MARCHF5: variants seen among roughly 807,000 people sequenced by gnomAD.
MARCHF5 encodes the protein membrane associated ring-CH-type finger 5.
Under a neutral mutation model 36.5 loss-of-function variants are expected in MARCHF5, and 5 were observed. The ratio of observed to expected loss-of-function variants is 0.14; its 90% CI spans 0.07 to 0.29. The LOEUF (loss-of-function observed/expected upper bound fraction) is 0.29, where lower values mean the gene tolerates loss of function less well. Ranked by LOEUF, MARCHF5 falls within the 10% of genes least tolerant of loss-of-function variation. The probability of loss-of-function intolerance (pLI) is 1.00; values close to 1 mark genes in which losing one functional copy is unlikely to be tolerated. For synonymous variants in MARCHF5, 103 were observed against 109.9 expected (o/e 0.94, Z 0.39); for missense variants, 179 against 336.3 (o/e 0.53, Z 3.66).
intron 2 of MARCHF5, among the ~76,000 whole-genome samples, chr10:92,332,078 T>A (rs1426612305): frequency 6.7e-6 from 1 of 150,364 alleles, no homozygotes; most frequent in Non-Finnish European, 1.5e-5. Flanking sequence ...TTTTCTTTTT[T>A]TGGTCAGATA....
intron 3 of MARCHF5, among the ~76,000 whole-genome samples, chr10:92,341,943 C>G (rs1266220642): frequency 6.6e-6 from 1 of 151,746 alleles, no homozygotes; most frequent in Admixed American, 6.6e-5. Flanking sequence ...GTGTGTGCCT[C>G]CATGCCTAGC....
At chr10:92,311,024 A>G (rs1234559540) in intron 1 of MARCHF5, 111 bp from the exon 2 acceptor site, 1 of 724,900 alleles carries the variant, frequency 1.4e-6, no homozygotes, top group East Asian at 2.7e-5. Context: ...TATAGGACAG[A>G]GATTCTGTAA....
At chr10:92,318,529 TG>T (rs1166782902) in intron 2 of MARCHF5, among the ~76,000 whole-genome samples, 1 of 151,112 alleles carries the variant, frequency 6.6e-6, no homozygotes, top group African/African-American at 2.4e-5. Flanking sequence ...GAGACCAGCC[TG>T]GGGAACATGG....
intron 1 of MARCHF5, among the ~76,000 whole-genome samples, chr10:92,296,682 T>C (rs1842952123): frequency 6.6e-6 from 1 of 152,204 alleles, no homozygotes; most frequent in Non-Finnish European, 1.5e-5. Flanking sequence ...CTTACTTGCA[T>C]CTAGTAAATA....
At chr10:92,306,327 A>G (rs374475904) in intron 1 of MARCHF5, among the ~76,000 whole-genome samples, 1 of 152,254 alleles carries the variant, frequency 6.6e-6, no homozygotes, top group African/African-American at 2.4e-5. Flanking sequence ...CAGCCTCCCA[A>G]TGATGTAGTC....
intron 3 of MARCHF5, among the ~76,000 whole-genome samples, chr10:92,347,765 T>C (rs1843666314): frequency 6.6e-6 from 1 of 152,212 alleles, no homozygotes; most frequent in South Asian, 2.1e-4. Context: ...GATGACATTA[T>C]TGACCATTAG....
At chr10:92,319,339 A>T (rs1478850228) in intron 2 of MARCHF5, among the ~76,000 whole-genome samples, 1 of 144,194 alleles carries the variant, frequency 6.9e-6, no homozygotes, top group African/African-American at 2.6e-5. Flanking sequence ...CTTGTCGCCC[A>T]GGCTGGAGTG....
At position 92,352,521 on chromosome 10, in the gene MARCHF5, TTAAAA is replaced by T. The variant is rs1265246250; in HGVS notation, c.*1316_*1320del. ...CAACCTGAATGGTTATTTTTGTTAA[TTAAAA>T]TTAAATTTTTAAGAGATATTTTCAA... On this transcript the variant is annotated 3_prime_UTR_variant, in exon 6 of 6. Transcript: ENST00000358935. 6.6e-6 allele frequency: 1 copy of T among 152,216 alleles called. No homozygotes were observed. Among genetic ancestry groups the T allele is most frequent in the African/African-American group, 2.4e-5 (1 of 41,460 alleles). 9.4% of individuals were successfully genotyped at this position (152,216 alleles called of 1,614,324 possible).
At chr10:92,305,354 C>G (rs1843062948) in intron 1 of MARCHF5, among the ~76,000 whole-genome samples, 1 of 151,922 alleles carries the variant, frequency 6.6e-6, no homozygotes, top group Non-Finnish European at 1.5e-5. Context: ...TTGCAGTGAG[C>G]TGAGATCGCA....
intron 2 of MARCHF5, among the ~76,000 whole-genome samples, chr10:92,320,669 A>G (rs2135195317): frequency 6.7e-6 from 1 of 149,962 alleles, no homozygotes; most frequent in East Asian, 2.0e-4. Flanking sequence ...CTTATAAAAT[A>G]AGGATAAAAA....
chr10:92,323,078 T>A (rs1843311434), intron 2 of MARCHF5, among the ~76,000 whole-genome samples: 1 of 152,116 alleles, frequency 6.6e-6, no homozygotes, highest in Non-Finnish European at 1.5e-5. Flanking sequence ...TTGCTCAGGC[T>A]GGAGTGCAGT....
chr10:92,305,978 G>A (rs1590648018), intron 1 of MARCHF5, among the ~76,000 whole-genome samples: 1 of 152,228 alleles, frequency 6.6e-6, no homozygotes, highest in East Asian at 1.9e-4. Flanking sequence ...TTGTACTGAG[G>A]CCATCTCTTA....
At chr10:92,341,012 TTCATA>T (rs1308420084) in intron 3 of MARCHF5, among the ~76,000 whole-genome samples, 1 of 152,214 alleles carries the variant, frequency 6.6e-6, no homozygotes, top group African/African-American at 2.4e-5. Flanking sequence ...TAGAGATCAT[TTCATA>T]TAAGTATGCA....
At chr10:92,295,403 ATTTATTTTTTAT>A (rs1842937564) in intron 1 of MARCHF5, among the ~76,000 whole-genome samples, 1 of 67,584 alleles carries the variant, frequency 1.5e-5, no homozygotes, top group Non-Finnish European at 3.2e-5. Context: ...TTATTTATTT[ATTTATTTTTTAT>A]TTTTTTTTTT....
intron 2 of MARCHF5, among the ~76,000 whole-genome samples, chr10:92,316,355 T>G (rs567261783): frequency 6.6e-6 from 1 of 152,330 alleles, no homozygotes; most frequent in African/African-American, 2.4e-5. Flanking sequence ...AGTTTTATCC[T>G]TCTCACTGTT....
intron 3 of MARCHF5, among the ~76,000 whole-genome samples, chr10:92,347,869 C>T (rs1054893326): frequency 6.6e-6 from 1 of 152,108 alleles, no homozygotes; most frequent in Non-Finnish European, 1.5e-5. Flanking sequence ...CAAATTTGGT[C>T]CTCTCCACAC....
chr10:92,322,837 A>G (rs947653537), intron 2 of MARCHF5, among the ~76,000 whole-genome samples: 2 of 151,324 alleles, frequency 1.3e-5, no homozygotes, highest in Admixed American at 6.6e-5. Flanking sequence ...TCCTGGGTTC[A>G]AGCAATTCTC....
chr10:92,320,252 G>A (rs1425655090), intron 2 of MARCHF5, among the ~76,000 whole-genome samples: 3 of 151,094 alleles, frequency 2.0e-5, no homozygotes, highest in Admixed American at 6.6e-5. Flanking sequence ...AGACAAGGTC[G>A]TGCTTTGTTG....
chr10:92,348,465 G>A (rs2080801430), intron 3 of MARCHF5, among the ~76,000 whole-genome samples: 1 of 152,102 alleles, frequency 6.6e-6, no homozygotes, highest in African/African-American at 2.4e-5. Context: ...CTCCAGCCTG[G>A]GCAACACAGC....
Sources: allele counts gnomAD v4.1 joint callset (sites outside exome capture counted in the v4.1 genomes callset), GRCh38; gene constraint gnomAD v4.1.1; transcripts MANE v1.5; gene names NCBI Gene and HGNC (gene_info 2026-07-23, HGNC 2026-07-21).